The following TIAM1 variants were observed in gnomAD, a reference collection of about 807,000 sequenced individuals.
TIAM1 encodes the protein TIAM Rac1 associated GEF 1, also known as rho guanine nucleotide exchange factor TIAM1.
TIAM1 carries 65 observed loss-of-function variants against 163.5 expected under a neutral mutation model. The ratio of observed to expected loss-of-function variants is 0.40; its 90% CI spans 0.33 to 0.49. TIAM1 has a LOEUF of 0.49. Among genes scored for constraint, TIAM1 ranks in the 20% least tolerant of loss-of-function variants. The pLI, the probability that TIAM1 is intolerant of heterozygous loss-of-function variation, is 0.77. For synonymous variants in TIAM1, 833 were observed against 810.1 expected, an observed-to-expected ratio of 1.03 and a Z score of -0.48; for missense variants, 1,789 against 2,044.7, an observed-to-expected ratio of 0.87 and a Z score of 2.41.
intron 2 of TIAM1, among the ~76,000 whole-genome samples, chr21:31,424,948 G>C (rs2043730951): frequency 6.6e-6 from 1 of 151,940 alleles, no homozygotes; most frequent in African/African-American, 2.4e-5. Context: ...AGCTACTACA[G>C]AGGCTGAGGC....
In TIAM1 at chr21:31,430,222, A is replaced by AT. The variant is rs1569324170; in HGVS notation, c.-369+33760_-369+33761insA. Among the ~76,000 whole-genome samples, 139 of 101,872 alleles carry AT rather than the reference A, an allele frequency of 1.4e-3. 1 individual carries two copies. The highest frequency in any genetic ancestry group is 4.4e-3 in the African/African-American group (89 of 20,280). The allele number at this position is 101,872 out of a possible 152,430, so 66.8% of individuals were successfully genotyped here. A position where few individuals can be genotyped will look rare whatever the true frequency, so the allele number is the denominator to read the frequency against. ...ACTCCATCTCAAAGAAAAAAAAAAA[A>AT]AAAATATATATATATATATATATAT... On this transcript the variant is annotated intron_variant, in intron 2 of 28. Coordinates refer to the TIAM1 transcript ENST00000286827.
intron 2 of TIAM1, among the ~76,000 whole-genome samples, chr21:31,417,222 A>G (rs957578376): frequency 6.6e-6 from 1 of 152,044 alleles, no homozygotes; most frequent in African/African-American, 2.4e-5. Flanking sequence ...TGGTTTCACT[A>G]TGTTTGTCAG....
intron 2 of TIAM1, among the ~76,000 whole-genome samples, chr21:31,354,284 A>G (rs1214048306): frequency 6.6e-6 from 1 of 152,116 alleles, no homozygotes; most frequent in Non-Finnish European, 1.5e-5. Context: ...CAAGCAACAT[A>G]TTTTAGGGTT....
chr21:31,475,040 A>G (rs1046831910), intron 1 of TIAM1, among the ~76,000 whole-genome samples: 2 of 65,286 alleles, frequency 3.1e-5, no homozygotes, highest in Non-Finnish European at 6.4e-5. Context: ...TATTATTATT[A>G]TTATTATTAT....
At chr21:31,126,992 C>A in intron 26 of TIAM1, 73 bp downstream of exon 26, 1 of 1,460,530 alleles carries the variant, frequency 6.8e-7, no homozygotes, top group South Asian at 1.1e-5. Context: ...CACCAGAACA[C>A]AACGTAAGAC....
chr21:31,155,863 T>G (rs1169164365), intron 16 of TIAM1, among the ~76,000 whole-genome samples: 1 of 152,166 alleles, frequency 6.6e-6, no homozygotes, highest in Non-Finnish European at 1.5e-5. Flanking sequence ...TTCTATTGTC[T>G]AATTCAACTC....
intron 2 of TIAM1, among the ~76,000 whole-genome samples, chr21:31,445,894 T>C (rs2044605563): frequency 6.6e-6 from 1 of 152,076 alleles, no homozygotes; most frequent in Non-Finnish European, 1.5e-5. Context: ...GGTTTCATGG[T>C]TTTACTTTTG....
chr21:31,144,170 C>T (rs2082992326), intron 20 of TIAM1, among the ~76,000 whole-genome samples: 1 of 152,192 alleles, frequency 6.6e-6, no homozygotes. Flanking sequence ...AGCACAAAAT[C>T]CTGAAGAGAA....
intron 2 of TIAM1, among the ~76,000 whole-genome samples, chr21:31,437,914 T>C (rs1602277305): frequency 6.6e-6 from 1 of 152,226 alleles, no homozygotes; most frequent in Non-Finnish European, 1.5e-5. Context: ...CTAATACGTA[T>C]GGATATTCCA....
chr21:31,364,514 C>T lies in TIAM1; in HGVS notation c.-368-25092G>A, dbSNP rs181661618. On this transcript the variant is annotated intron_variant, in intron 2 of 28. Transcript: ENST00000286827. ...GGGAGTGGAGAAGGTTATATTTGAG[C>T]ATGTGATGGTAGAATTGAGAAAGCA... Among the ~76,000 whole-genome samples, 203 of 152,282 alleles carry T rather than the reference C, an allele frequency of 1.3e-3. 1 individual carries two copies. The highest frequency in any genetic ancestry group is 2.1e-3 in the Non-Finnish European group (146 of 68,020).
intron 2 of TIAM1, among the ~76,000 whole-genome samples, chr21:31,303,483 C>T (rs548248288): frequency 1.3e-5 from 2 of 152,174 alleles, no homozygotes; most frequent in Admixed American, 6.5e-5. Context: ...TTGATGGCAC[C>T]CCATTAGGAA....
intron 5 of TIAM1, among the ~76,000 whole-genome samples, chr21:31,248,932 C>T (rs2071646236): frequency 6.6e-6 from 1 of 152,002 alleles, no homozygotes; most frequent in African/African-American, 2.4e-5. Context: ...GAGGGAATGG[C>T]AGAAACAAAA....
chr21:31,422,486 T>C (rs1031006260), intron 2 of TIAM1, among the ~76,000 whole-genome samples: 2 of 152,124 alleles, frequency 1.3e-5, no homozygotes. Context: ...ATGGTATTTT[T>C]AACAAGGAAC....
intron 2 of TIAM1, among the ~76,000 whole-genome samples, chr21:31,291,742 T>G (rs1056478613): frequency 3.3e-5 from 5 of 152,154 alleles, no homozygotes; most frequent in African/African-American, 1.2e-4. Flanking sequence ...AGGCTGGTCT[T>G]GAACTCCTGA....
At position 31,251,941 on chromosome 21, in the gene TIAM1, G is replaced by T. The variant is rs779231510; in HGVS notation, c.1212C>A (p.Ala404=). 1 of 1,613,890 alleles carries T rather than the reference G, an allele frequency of 6.2e-7. No individual in the cohort carries two copies. The highest frequency in any genetic ancestry group is 1.3e-5 in the African/African-American group (1 of 75,046). Residue 404 remains alanine (A), a synonymous_variant, in exon 5 of 28, where the codon GCC becomes GCA. Coordinates refer to ENST00000541036, the MANE Select transcript of TIAM1 (RefSeq NM_001353694.2). ...TCTGCTCATCGCTGTGCGCCGAGCCGGCCTCCTCCAGGCTCTCGCTGTTGG... is the reference window on the plus strand; with the variant it reads ...TCTGCTCATCGCTGTGCGCCGAGCCTGCCTCCTCCAGGCTCTCGCTGTTGG... The part of the protein sequence containing the change: ...STTNSESLEE[A]GSAHSDEQSS...
chr21:31,217,946 T>C (rs942963052), intron 8 of TIAM1, among the ~76,000 whole-genome samples: 1 of 152,126 alleles, frequency 6.6e-6, no homozygotes, highest in Admixed American at 6.5e-5. Context: ...TCAGCAAAAA[T>C]ACATAATATA....
intron 1 of TIAM1, among the ~76,000 whole-genome samples, chr21:31,543,515 A>G (rs1222307498): frequency 8.4e-6 from 1 of 118,988 alleles, no homozygotes; most frequent in African/African-American, 2.7e-5. Context: ...CAGAAAAGAA[A>G]CATTGTAACG....
At chr21:31,197,876 G>A (rs1282755083) in intron 12 of TIAM1, among the ~76,000 whole-genome samples, 1 of 152,110 alleles carries the variant, frequency 6.6e-6, no homozygotes, top group Non-Finnish European at 1.5e-5. Flanking sequence ...GGTCTCACTG[G>A]CTCTAGAGCC....
At chr21:31,243,209 A>ATATATATATATATATAT (rs1555902485) in intron 6 of TIAM1, among the ~76,000 whole-genome samples, 1 of 117,282 alleles carries the variant, frequency 8.5e-6, no homozygotes, top group African/African-American at 3.7e-5. Context: ...AAAAAAAAAA[A>ATATATATATATATATAT]ATATATATAT....
Sources: allele counts gnomAD v4.1 joint callset (sites outside exome capture counted in the v4.1 genomes callset), GRCh38; gene constraint gnomAD v4.1.1; transcripts MANE v1.5; gene names NCBI Gene and HGNC (gene_info 2026-07-23, HGNC 2026-07-21).